The following NDST4 variants were observed in gnomAD, a reference collection of about 807,000 sequenced individuals.
The protein encoded by NDST4 is N-deacetylase and N-sulfotransferase 4.
Under a neutral mutation model 100.8 loss-of-function variants are expected in NDST4, and 63 were observed. That is an observed-to-expected ratio of 0.62 (90% CI 0.51 to 0.77). The LOEUF is 0.77. Ranked by LOEUF, NDST4 falls within the 30% of genes least tolerant of loss-of-function variation. The probability of loss-of-function intolerance (pLI) is 0.00; values close to 1 mark genes in which losing one functional copy is unlikely to be tolerated. For missense variants in NDST4, 943 were observed against 1,018.4 expected (o/e 0.93, Z 1.01); for synonymous variants, 377 against 361.8 (o/e 1.04, Z -0.48).
rs113814690 is a variant in NDST4, at chr4:115,045,664, A to G, written c.978+30395T>C. 1.8e-3 allele frequency among the ~76,000 whole-genome samples: 272 copies of G among 152,248 alleles called. 6 individuals are homozygous for G. The highest frequency in any genetic ancestry group is 6.0e-3 in the African/African-American group (250 of 41,558). On this transcript the variant is annotated intron_variant, in intron 2 of 13. Coordinates refer to ENST00000264363, the MANE Select transcript of NDST4 (RefSeq NM_022569.3). ...CTTTTTCATTCTGGAGAGGCCACTGAGTCTGTCTTACAGAAGGACACCTGC... is the reference window on the plus strand; with the variant it reads ...CTTTTTCATTCTGGAGAGGCCACTGGGTCTGTCTTACAGAAGGACACCTGC...
At chr4:114,896,492 C>T (rs189908151) in intron 6 of NDST4, among the ~76,000 whole-genome samples, 2 of 151,964 alleles carry the variant, frequency 1.3e-5, no homozygotes, top group African/African-American at 2.4e-5. Flanking sequence ...GGTGTGGTGT[C>T]GGCCGCCTGT....
intron 6 of NDST4, among the ~76,000 whole-genome samples, chr4:114,933,275 GA>G (rs1255131524): frequency 1.3e-5 from 2 of 152,100 alleles, no homozygotes; most frequent in South Asian, 2.1e-4. Context: ...TCCCCATACA[GA>G]AGAACAAAAT....
At chr4:115,079,817 C>A (rs1053962431) in intron 1 of NDST4, among the ~76,000 whole-genome samples, 1 of 152,072 alleles carries the variant, frequency 6.6e-6, no homozygotes, top group African/African-American at 2.4e-5. Context: ...TATGTCGCTA[C>A]TTTTCATTTT....
rs1262655144 is a variant in NDST4, at chr4:115,022,402, T to TCCATATATATGTGTG, written c.979-45129_979-45128insCACACATATATATGG. ...ACATATGTGTTCCATATATATGTGTTCCATATATATGTGTTCCATATATAT... is the reference window on the plus strand; with the variant it reads ...ACATATGTGTTCCATATATATGTGTTCCATATATATGTGTGCCATATATATGTGTTCCATATATAT... On this transcript the variant is annotated intron_variant, in intron 2 of 13. Coordinates refer to ENST00000264363, the MANE Select transcript of NDST4 (RefSeq NM_022569.3). Among the ~76,000 whole-genome samples, 19 of 147,280 alleles carry TCCATATATATGTGTG rather than the reference T, an allele frequency of 1.3e-4. 3 individuals carry two copies. Among genetic ancestry groups the TCCATATATATGTGTG allele is most frequent in the African/African-American group, 4.7e-4 (19 of 40,610 alleles).
intron 6 of NDST4, among the ~76,000 whole-genome samples, chr4:114,915,312 G>T (rs549984790): frequency 6.6e-6 from 1 of 152,232 alleles, no homozygotes; most frequent in East Asian, 1.9e-4. Context: ...CAATGAACCA[G>T]CTGTACTTGA....
At chr4:115,059,624 A>G (rs1184426618) in intron 2 of NDST4, among the ~76,000 whole-genome samples, 1 of 152,050 alleles carries the variant, frequency 6.6e-6, no homozygotes, top group Non-Finnish European at 1.5e-5. Flanking sequence ...ATTTTTTCAT[A>G]CAGACCATCT....
intron 6 of NDST4, among the ~76,000 whole-genome samples, chr4:114,878,430 T>A (rs1456557699): frequency 6.6e-6 from 1 of 152,104 alleles, no homozygotes; most frequent in Non-Finnish European, 1.5e-5. Flanking sequence ...TAATAGTAAT[T>A]AAAGAGTTAA....
intron 13 of NDST4, among the ~76,000 whole-genome samples, chr4:114,829,473 A>C (rs1723148802): frequency 6.6e-6 from 1 of 152,200 alleles, no homozygotes; most frequent in Non-Finnish European, 1.5e-5. Context: ...TATTTTATCC[A>C]AAATCACTTG....
At chr4:114,917,019 G>A (rs1725188529) in intron 6 of NDST4, among the ~76,000 whole-genome samples, 1 of 152,016 alleles carries the variant, frequency 6.6e-6, no homozygotes, top group Admixed American at 6.6e-5. Flanking sequence ...GTATCTGTGG[G>A]GAGTTGTTTC....
chr4:114,881,720 T>G (rs1724373897), intron 6 of NDST4, among the ~76,000 whole-genome samples: 1 of 152,106 alleles, frequency 6.6e-6, no homozygotes. Flanking sequence ...GAAAGTGCAG[T>G]GGCATAAGAG....
chr4:115,080,000 G>C (rs941712712), intron 1 of NDST4, among the ~76,000 whole-genome samples: 2 of 152,056 alleles, frequency 1.3e-5, no homozygotes, highest in African/African-American at 2.4e-5. Flanking sequence ...AAATATATAA[G>C]TGGACCTTAG....
intron 1 of NDST4, among the ~76,000 whole-genome samples, chr4:115,094,562 C>G (rs532137): frequency 0.79 from 120,181 of 152,070 alleles, 48,267 homozygotes; most frequent in African/African-American, 0.92. Flanking sequence ...GACAAAGTTG[C>G]AAGCAGCCAT....
intron 2 of NDST4, among the ~76,000 whole-genome samples, chr4:115,065,811 G>A: frequency 6.6e-6 from 1 of 152,046 alleles, no homozygotes; most frequent in Non-Finnish European, 1.5e-5. Context: ...GCCACAAACA[G>A]CACCCACATT....
At chr4:114,970,261 G>A (rs538626574) in intron 4 of NDST4, among the ~76,000 whole-genome samples, 169 bp downstream of exon 4, 4 of 152,080 alleles carry the variant, frequency 2.6e-5, no homozygotes, top group African/African-American at 9.6e-5. Flanking sequence ...ATACACACAT[G>A]CCTGAAACAA....
intron 6 of NDST4, 21 bp from the exon 7 acceptor site, chr4:114,870,971 A>T: frequency 6.3e-7 from 1 of 1,583,858 alleles, no homozygotes; most frequent in Non-Finnish European, 8.6e-7. Flanking sequence ...AATAAAAATG[A>T]CCACAAAAAT....
At chr4:114,926,674 C>A (rs1335858480) in intron 6 of NDST4, among the ~76,000 whole-genome samples, 1 of 152,028 alleles carries the variant, frequency 6.6e-6, no homozygotes, top group Non-Finnish European at 1.5e-5. Context: ...AAACTGAGTG[C>A]TGAAGAAATA....
intron 6 of NDST4, among the ~76,000 whole-genome samples, chr4:114,895,308 C>T (rs565885772): frequency 1.3e-5 from 2 of 152,168 alleles, no homozygotes; most frequent in South Asian, 4.2e-4. Flanking sequence ...GGGATATCAC[C>T]ACTGACCCCA....
chr4:114,977,800 A>G (rs1726671238), intron 2 of NDST4, among the ~76,000 whole-genome samples: 2 of 152,006 alleles, frequency 1.3e-5, no homozygotes, highest in South Asian at 4.1e-4. Context: ...TGTATTTTAT[A>G]GGACATTGCT....
chr4:114,946,445 G>A (rs1271687086), intron 4 of NDST4, among the ~76,000 whole-genome samples: 1 of 152,192 alleles, frequency 6.6e-6, no homozygotes, highest in African/African-American at 2.4e-5. Context: ...CAAGGGGTAC[G>A]GGTTGCAAAA....
Sources: allele counts gnomAD v4.1 joint callset (sites outside exome capture counted in the v4.1 genomes callset), GRCh38; gene constraint gnomAD v4.1.1; transcripts MANE v1.5; gene names NCBI Gene and HGNC (gene_info 2026-07-23, HGNC 2026-07-21).